FN3K: variants seen among roughly 807,000 people sequenced by gnomAD.
FN3K encodes the protein fructosamine 3 kinase.
In FN3K, 24 loss-of-function variants were observed where a neutral mutation model predicts 24.8. The ratio of observed to expected loss-of-function variants is 0.97; its 90% CI spans 0.70 to 1.36. FN3K has a LOEUF of 1.36. FN3K is among the 40% of genes most tolerant of loss of function. FN3K has a pLI of 0.00. For missense variants in FN3K, 449 were observed against 416.7 expected (o/e 1.08, Z -0.67); for synonymous variants, 192 against 175.2 (o/e 1.10, Z -0.76).
At chr17:82,746,804 CAAAA>C (rs200854197) in intron 4 of FN3K, among the ~76,000 whole-genome samples, 1 of 148,884 alleles carries the variant, frequency 6.7e-6, no homozygotes, top group Non-Finnish European at 1.5e-5. Context: ...AACTTGGTCT[CAAAA>C]AAAAAATTTC....
intron 2 of FN3K, among the ~76,000 whole-genome samples, chr17:82,738,973 C>G (rs1296529400): frequency 7.8e-6 from 1 of 127,572 alleles, no homozygotes; most frequent in Non-Finnish European, 1.7e-5. Context: ...AACACAGTCT[C>G]GCTCTGTTGC....
Position 82,750,815 on chromosome 17 carries a change from C to A in FN3K, c.*60C>A. ...CGTCTCCGTCTCCCCGTCCCTGTCCCCCCGTCCCCCGTCCCTGTGCCCCCG... is the reference window on the plus strand; with the variant it reads ...CGTCTCCGTCTCCCCGTCCCTGTCCACCCGTCCCCCGTCCCTGTGCCCCCG... On this transcript the variant is annotated 3_prime_UTR_variant, in exon 6 of 6. Transcript: ENST00000300784. 7.4e-7 allele frequency: 1 copy of A among 1,346,144 alleles called. No individual in the cohort carries two copies. The highest frequency in any genetic ancestry group is 2.5e-5 in the East Asian group (1 of 40,092). The allele number at this position is 1,346,144 out of a possible 1,614,324, so 83.4% of individuals were successfully genotyped here. A position where few individuals can be genotyped will look rare whatever the true frequency, so the allele number is the denominator to read the frequency against.
At position 82,748,491 on chromosome 17, in the gene FN3K, A is replaced by G. The variant is rs1598343732; in HGVS notation, c.469-364A>G. Among the ~76,000 whole-genome samples, 3 of 111,148 alleles carry G rather than the reference A, an allele frequency of 2.7e-5. No individual in the cohort carries two copies. In the South Asian group the frequency reaches 1.0e-3, roughly 37 times the overall value. The allele number at this position is 111,148 out of a possible 152,430, so 72.9% of individuals were successfully genotyped here. ...AGTGTTAGCATGGTATATCTTTTCT[A>G]TCCTTTCAAGCTTTTTTTTTTTTTA... is the stretch of plus-strand genomic sequence containing the variant. On this transcript the variant is annotated intron_variant, in intron 4 of 5. Coordinates refer to ENST00000300784, the MANE Select transcript of FN3K (RefSeq NM_022158.4).
At position 82,750,818 on chromosome 17, in the gene FN3K, C is replaced by T. The variant is rs1300960190; in HGVS notation, c.*63C>T. On this transcript the variant is annotated 3_prime_UTR_variant, in exon 6 of 6. Coordinates refer to ENST00000300784, the MANE Select transcript of FN3K (RefSeq NM_022158.4). ...CTCCGTCTCCCCGTCCCTGTCCCCC[C>T]GTCCCCCGTCCCTGTGCCCCCGTCC... 64 of 1,335,662 alleles carry T rather than the reference C, an allele frequency of 4.8e-5. No individual in the cohort carries two copies. Among genetic ancestry groups the T allele is most frequent in the Non-Finnish European group, 6.0e-5 (59 of 980,160 alleles). The allele number at this position is 1,335,662 out of a possible 1,614,324, so 82.7% of individuals were successfully genotyped here. A position where few individuals can be genotyped will look rare whatever the true frequency, so the allele number is the denominator to read the frequency against.
chr17:82,750,620 G>T lies in FN3K; in HGVS notation c.795G>T (p.Arg265=). Residue 265 remains arginine, a synonymous_variant, in exon 6 of 6, where the codon CGG becomes CGT. Transcript: ENST00000300784. ...FPRSFFTAYH[R]KIPKAPGFDQ... Reference sequence around the variant, plus strand: ...GATCCTTCTTCACCGCCTACCACCGGAAGATCCCCAAGGCTCCGGGCTTCG... The same window carrying T: ...GATCCTTCTTCACCGCCTACCACCGTAAGATCCCCAAGGCTCCGGGCTTCG... 1.9e-6 allele frequency: 3 copies of T among 1,614,060 alleles called. No individual in the cohort carries two copies. The highest frequency in any genetic ancestry group is 1.1e-5 in the South Asian group (1 of 91,076).
chr17:82,745,551 A>G (rs1262048849), intron 4 of FN3K: 2 of 152,332 alleles, frequency 1.3e-5, no homozygotes, highest in Admixed American at 6.5e-5. Flanking sequence ...ATCCTTTGAT[A>G]TTCATCCGTG....
At chr17:82,739,187 A>G (rs1306163215) in intron 2 of FN3K, among the ~76,000 whole-genome samples, 1 of 151,770 alleles carries the variant, frequency 6.6e-6, no homozygotes, top group African/African-American at 2.4e-5. Flanking sequence ...ACTTCAAGTG[A>G]TCCACCCACC....
At chr17:82,739,398 CTT>C (rs2046927429) in intron 2 of FN3K, among the ~76,000 whole-genome samples, 2 of 151,610 alleles carry the variant, frequency 1.3e-5, no homozygotes, top group Admixed American at 6.6e-5. Context: ...AAGCAATTCT[CTT>C]GTCTCAGCCT....
At chr17:82,747,910 G>A (rs188755330) in intron 4 of FN3K, among the ~76,000 whole-genome samples, 20 of 152,290 alleles carry the variant, frequency 1.3e-4, no homozygotes, top group Admixed American at 1.3e-3. Flanking sequence ...TATATTAGGG[G>A]TTAGGGCTTC....
chr17:82,737,585 G>A (rs999572077), intron 1 of FN3K: 2 of 152,264 alleles, frequency 1.3e-5, no homozygotes, highest in African/African-American at 4.8e-5. Context: ...GCCTCCCAAA[G>A]TGCTGGGATT....
At chr17:82,750,108 C>T (rs1006352927) in intron 5 of FN3K, among the ~76,000 whole-genome samples, 5 of 148,692 alleles carry the variant, frequency 3.4e-5, no homozygotes, top group African/African-American at 1.2e-4. Context: ...ATATGTGTAG[C>T]GAAATAAAAG....
chr17:82,750,292 G>A (rs1012099319), intron 5 of FN3K, 125 bp from the exon 6 acceptor site: 2 of 835,810 alleles, frequency 2.4e-6, no homozygotes, highest in African/African-American at 3.4e-5. Flanking sequence ...TTCTGGGCTT[G>A]GCAGGCAGTG....
rs762615077 is a variant in FN3K at position 82,748,888 on chromosome 17, T to A, written c.502T>A (p.Phe168Ile). 1 of 1,613,562 alleles carries A rather than the reference T, an allele frequency of 6.2e-7. No homozygotes were observed. Among genetic ancestry groups the A allele is most frequent in the Non-Finnish European group, 8.5e-7 (1 of 1,180,012 alleles). ...NEWQDDWPTF[F>I]ARHRLQAQLD... ...GTGGCAGGATGACTGGCCGACCTTT[T>A]TCGCCCGGCACCGGCTCCAGGCGCA... Residue 168 changes from phenylalanine (F) to isoleucine (I), a missense_variant, in exon 5 of 6, where the codon TTC becomes ATC. Transcript: ENST00000300784.
rs773768531 is a variant in FN3K at position 82,748,937 on chromosome 17, A to T, written c.551A>T (p.Tyr184Phe). The T allele has an allele frequency of 6.2e-7, 1 of 1,614,208 alleles. No individual in the cohort carries two copies. Among genetic ancestry groups the T allele is most frequent in the South Asian group, 1.1e-5 (1 of 91,084 alleles). The change falls in exon 5 of 6, where the codon TAT (tyrosine) becomes TTT (phenylalanine). Residue 184 changes from tyrosine to phenylalanine, a missense_variant. Tyr to Phe is a conservative substitution (Grantham distance 22, BLOSUM62 3). Coordinates refer to ENST00000300784, the MANE Select transcript of FN3K (RefSeq NM_022158.4). Reference sequence around the variant, plus strand: ...CAGCTGGACCTCATTGAGAAGGACTATGCTGACCGAGAGGCACGAGAACTC... The same window carrying T: ...CAGCTGGACCTCATTGAGAAGGACTTTGCTGACCGAGAGGCACGAGAACTC... ...QAQLDLIEKD[Y>F]ADREARELWS...
chr17:82,749,034 A>G lies in FN3K; in HGVS notation c.591+57A>G, dbSNP rs1462063051. 2.5e-6 allele frequency: 4 copies of G among 1,609,738 alleles called. No individual in the cohort carries two copies. The Admixed American group carries it at 6.7e-5, about 27-fold the overall frequency. ...GCTGGTCCTCTCATGATCCCGCCGC[A>G]TTTGTGCGGGTTCATCTGTAAAACG... On this transcript the variant is annotated intron_variant, in intron 5 of 5. Coordinates refer to ENST00000300784, the MANE Select transcript of FN3K (RefSeq NM_022158.4).
intron 4 of FN3K, chr17:82,742,525 T>C (rs2046946585): frequency 2.9e-6 from 1 of 344,388 alleles, no homozygotes; most frequent in Non-Finnish European, 5.7e-6. Flanking sequence ...TTCACAGCTC[T>C]TCCATGTTGT....
chr17:82,748,955 G>T lies in FN3K; in HGVS notation c.569G>T (p.Arg190Leu). ...IEKDYADREA[R>L]ELWSRLQVKI... is the part of the protein sequence containing the mutation. ...AAGGACTATGCTGACCGAGAGGCAC[G>T]AGAACTCTGGTCCCGGCTACAGGTG... is the stretch of plus-strand genomic sequence containing the variant. Residue 190 changes from arginine (R) to leucine (L), a missense_variant, in exon 5 of 6, where the codon CGA becomes CTA. Physicochemically the swap from Arg to Leu is moderately radical, Grantham distance 102. Transcript: ENST00000300784. 2.5e-6 allele frequency: 4 copies of T among 1,614,168 alleles called. No individual in the cohort carries two copies. The highest frequency in any genetic ancestry group is 3.4e-6 in the Non-Finnish European group (4 of 1,180,032).
At chr17:82,741,244 T>C in intron 3 of FN3K, 67 bp from the exon 4 acceptor site, 3 of 1,420,458 alleles carry the variant, frequency 2.1e-6, no homozygotes, top group Non-Finnish European at 2.9e-6. Context: ...GTACTGATGC[T>C]CTGCTGAGGT....
At chr17:82,749,066 G>C (rs77020558) in intron 5 of FN3K, 89 bp downstream of exon 5, 682 of 1,579,058 alleles carry the variant, frequency 4.3e-4, no homozygotes, top group Non-Finnish European at 5.6e-4. Flanking sequence ...AACGGAGCTG[G>C]AGCAGGGAAC....
Sources: allele counts gnomAD v4.1 joint callset (sites outside exome capture counted in the v4.1 genomes callset), GRCh38; gene constraint gnomAD v4.1.1; transcripts MANE v1.5; gene names NCBI Gene and HGNC (gene_info 2026-07-23, HGNC 2026-07-21).